ZDHHC14: variants seen among roughly 807,000 people sequenced by gnomAD.
ZDHHC14 encodes zDHHC palmitoyltransferase 14, also known as palmitoyltransferase ZDHHC14.
Under a neutral mutation model 47.7 loss-of-function variants are expected in ZDHHC14, and 16 were observed. That is an observed-to-expected ratio of 0.34 (90% confidence interval 0.23 to 0.51). The LOEUF is 0.51. Ranked by LOEUF, ZDHHC14 falls within the 20% of genes least tolerant of loss-of-function variation. The pLI, the probability that ZDHHC14 is intolerant of heterozygous loss-of-function variation, is 0.97. For synonymous variants in ZDHHC14, 293 were observed against 278.9 expected (o/e 1.05, Z -0.50); for missense variants, 515 against 662.5 (o/e 0.78, Z 2.44).
chr6:157,426,981 A>G (rs527608150), intron 1 of ZDHHC14, among the ~76,000 whole-genome samples: 603 of 152,308 alleles, frequency 4.0e-3, no homozygotes, highest in Non-Finnish European at 6.9e-3. Flanking sequence ...GCTGTAAGGG[A>G]AGGAGAACTT....
At chr6:157,629,964 A>G (rs1285729821) in intron 4 of ZDHHC14, 2 of 152,188 alleles carry the variant, frequency 1.3e-5, no homozygotes, top group African/African-American at 4.8e-5. Context: ...CACACACGTA[A>G]CACTGAAAAG....
intron 1 of ZDHHC14, among the ~76,000 whole-genome samples, chr6:157,400,980 C>T (rs1777624075): frequency 6.6e-6 from 1 of 152,228 alleles, no homozygotes; most frequent in Admixed American, 6.5e-5. Flanking sequence ...ACAGTGGGCA[C>T]TAAATCAGTC....
chr6:157,418,952 T>A (rs971641307), intron 1 of ZDHHC14, among the ~76,000 whole-genome samples: 1 of 152,228 alleles, frequency 6.6e-6, no homozygotes, highest in African/African-American at 2.4e-5. Context: ...GCTGAAGAAT[T>A]GTACTGGACG....
In ZDHHC14 at chr6:157,659,792, G is replaced by C. The variant is rs188014814; in HGVS notation, c.1068+6165G>C. 3.9e-5 allele frequency among the ~76,000 whole-genome samples: 6 copies of C among 152,286 alleles called. No homozygotes were observed. The East Asian group carries it at 1.2e-3, about 29-fold the overall frequency. ...TCCTTTCTACTTATTTCCTGTTTTG[G>C]ATATAGTTAGAGCTCAAAATCAATA... On this transcript the variant is annotated intron_variant, in intron 8 of 8. Transcript: ENST00000359775.
intron 1 of ZDHHC14, among the ~76,000 whole-genome samples, chr6:157,519,827 G>A (rs928972211): frequency 2.8e-4 from 42 of 152,196 alleles, no homozygotes; most frequent in Non-Finnish European, 5.3e-4. Context: ...AGGTACTGAG[G>A]ATAAAATGCT....
intron 7 of ZDHHC14, among the ~76,000 whole-genome samples, chr6:157,651,432 C>T (rs1239885352): frequency 1.3e-5 from 2 of 152,228 alleles, no homozygotes; most frequent in Non-Finnish European, 2.9e-5. Context: ...GACAAAGGCC[C>T]ACCCCAATTG....
rs750975822 is a variant in ZDHHC14 at position 157,458,849 on chromosome 6, A to ATTTTTTTTTTTTTT, written c.245+76592_245+76605dup. On this transcript the variant is annotated intron_variant, in intron 1 of 8. Transcript: ENST00000359775. ...TACAGGTACTAGCAAATGTGGGTGG[A>ATTTTTTTTTTTTTT]TTTTTTTTTTTTTTTTTTTTTTGAG... 5.2e-3 allele frequency among the ~76,000 whole-genome samples: 426 copies of ATTTTTTTTTTTTTT among 81,192 alleles called. 55 individuals carry two copies. The highest frequency in any genetic ancestry group is 0.018 in the African/African-American group (382 of 21,782). 53.3% of individuals were successfully genotyped at this position (81,192 alleles called of 152,430 possible). A position where few individuals can be genotyped will look rare whatever the true frequency, so the allele number is the denominator to read the frequency against.
At chr6:157,632,482 T>A (rs1326698934) in intron 4 of ZDHHC14, 1 of 224,546 alleles carries the variant, frequency 4.5e-6, no homozygotes, top group Admixed American at 5.1e-5. Flanking sequence ...GTTAACAAAT[T>A]TGGGGAAAAC....
At chr6:157,453,805 T>G (rs1778857019) in intron 1 of ZDHHC14, among the ~76,000 whole-genome samples, 1 of 151,946 alleles carries the variant, frequency 6.6e-6, no homozygotes, top group Non-Finnish European at 1.5e-5. Flanking sequence ...TGTGTGTGTG[T>G]GTGTGTGTGT....
chr6:157,537,623 G>A (rs1271112570), intron 1 of ZDHHC14, among the ~76,000 whole-genome samples: 1 of 152,184 alleles, frequency 6.6e-6, no homozygotes, highest in Non-Finnish European at 1.5e-5. Context: ...TGAGTTGTAT[G>A]TAGGTCACAA....
At chr6:157,443,946 T>G (rs965774333) in intron 1 of ZDHHC14, among the ~76,000 whole-genome samples, 2 of 152,216 alleles carry the variant, frequency 1.3e-5, no homozygotes, top group Admixed American at 1.3e-4. Context: ...CCGTAAGCAC[T>G]AGTAAATGAA....
chr6:157,389,083 T>C (rs1777371933), intron 1 of ZDHHC14, among the ~76,000 whole-genome samples: 1 of 152,116 alleles, frequency 6.6e-6, no homozygotes, highest in Non-Finnish European at 1.5e-5. Context: ...TGATTTAATA[T>C]GGATTTAACA....
Position 157,653,548 on chromosome 6 carries a change from T to A in ZDHHC14, c.989T>A (p.Ile330Asn). Residue 330 changes from isoleucine to asparagine, a missense_variant, in exon 8 of 9, where the codon ATC becomes AAC. By Grantham distance (149) the Ile-to-Asn change is moderately radical. Coordinates refer to ENST00000359775, the MANE Select transcript of ZDHHC14 (RefSeq NM_024630.3). ...AGCCTGATCGACAGAAGAGGGTACA[T>A]CCAGCCCGACACGCCGCAGCCAGCA... ...SPSLIDRRGYIQPDTPQPAAP... is the reference protein window; with the variant it reads ...SPSLIDRRGYNQPDTPQPAAP... 6.2e-7 allele frequency: 1 copy of A among 1,613,870 alleles called. No homozygotes were observed. Among genetic ancestry groups the A allele is most frequent in the Non-Finnish European group, 8.5e-7 (1 of 1,179,944 alleles).
intron 1 of ZDHHC14, among the ~76,000 whole-genome samples, chr6:157,423,372 A>G (rs1284544362): frequency 1.3e-5 from 2 of 152,174 alleles, no homozygotes; most frequent in Admixed American, 6.5e-5. Context: ...GATTATTCAT[A>G]TGGTGCGGCA....
chr6:157,564,196 C>T (rs954856686), intron 2 of ZDHHC14, among the ~76,000 whole-genome samples: 4 of 152,186 alleles, frequency 2.6e-5, no homozygotes, highest in Non-Finnish European at 4.4e-5. Flanking sequence ...GCATGGTGGT[C>T]ACAGCTGGTG....
At chr6:157,503,134 CTGTGTGACAGT>C (rs1206612428) in intron 1 of ZDHHC14, among the ~76,000 whole-genome samples, 1 of 152,220 alleles carries the variant, frequency 6.6e-6, no homozygotes, top group Non-Finnish European at 1.5e-5. Context: ...CCATGTTGGT[CTGTGTGACAGT>C]TGAGCAGTGT....
At chr6:157,619,977 A>T (rs1785121965) in intron 3 of ZDHHC14, among the ~76,000 whole-genome samples, 2 of 152,232 alleles carry the variant, frequency 1.3e-5, no homozygotes, top group Admixed American at 1.3e-4. Flanking sequence ...TTGTTTCTTC[A>T]TACAATTAAG....
Position 157,628,406 on chromosome 6 carries a change from G to T in ZDHHC14, c.623G>T (p.Arg208Ile). 1.2e-6 allele frequency: 2 copies of T among 1,613,030 alleles called. No individual in the cohort carries two copies. The highest frequency in any genetic ancestry group is 1.7e-6 in the Non-Finnish European group (2 of 1,179,792). The change falls in exon 4 of 9, where the codon AGA becomes ATA. Residue 208 changes from arginine (R) to isoleucine (I), a missense_variant. Transcript: ENST00000359775. ...AACTGTGTGGGGAAAAGAAACTACA[G>T]ATTTTTTTATATGTTTATTTTATCT... ...VGNCVGKRNY[R>I]FFYMFILSLS... is the part of the protein sequence containing the mutation.
intron 3 of ZDHHC14, among the ~76,000 whole-genome samples, chr6:157,598,463 T>G (rs1001678854): frequency 2.0e-5 from 3 of 152,072 alleles, no homozygotes; most frequent in African/African-American, 7.3e-5. Context: ...AATAACTAAG[T>G]ATGTGAAAAT....
Sources: gnomAD v4.1 joint callset for allele counts (sites outside exome capture counted in the v4.1 genomes callset) on GRCh38, gnomAD v4.1.1 for gene constraint, MANE v1.5 for transcripts, NCBI Gene and HGNC (gene_info 2026-07-23, HGNC 2026-07-21) for gene names.